Variants in MYO9A observed in about 807,000 individuals in gnomAD.
MYO9A encodes the protein unconventional myosin-IXa.
In MYO9A, 103 loss-of-function variants were observed where a neutral mutation model predicts 293.3. The ratio of observed to expected loss-of-function variants is 0.35; its 90% CI spans 0.30 to 0.41. MYO9A has a LOEUF of 0.41. Ranked by LOEUF, MYO9A falls within the 10% of genes least tolerant of loss-of-function variation. MYO9A has a pLI of 1.00. For synonymous variants in MYO9A, 1,001 were observed against 1,035.7 expected (o/e 0.97, Z 0.64); for missense variants, 2,685 against 3,033.0 (o/e 0.89, Z 2.69).
At chr15:71,989,494 GTTTGTATCAGTAGT>G (rs749636738) in intron 11 of MYO9A, among the ~76,000 whole-genome samples, 68 of 152,076 alleles carry the variant, frequency 4.5e-4, no homozygotes, top group Non-Finnish European at 7.4e-4. Context: ...GTATATGCAG[GTTTGTATCAGTAGT>G]TTTGTATCAG....
At chr15:72,091,573 ACTCT>A (rs760762486) in intron 1 of MYO9A, among the ~76,000 whole-genome samples, 3 of 151,686 alleles carry the variant, frequency 2.0e-5, no homozygotes, top group Non-Finnish European at 4.4e-5. Context: ...TACCTGAACT[ACTCT>A]CTCTCTCTGA....
chr15:71,984,637 A>T (rs1170358927), intron 11 of MYO9A, among the ~76,000 whole-genome samples: 2 of 152,112 alleles, frequency 1.3e-5, no homozygotes, highest in African/African-American at 4.8e-5. Flanking sequence ...ATCTTCATTC[A>T]TTAGGCTCAG....
intron 6 of MYO9A, among the ~76,000 whole-genome samples, chr15:72,018,503 C>A (rs1430018019): frequency 6.6e-6 from 1 of 151,854 alleles, no homozygotes; most frequent in Non-Finnish European, 1.5e-5. Flanking sequence ...ATAGGAATTT[C>A]AATACTTATT....
intron 1 of MYO9A, among the ~76,000 whole-genome samples, chr15:72,059,401 C>T (rs1031354044): frequency 1.2e-4 from 19 of 152,194 alleles, no homozygotes; most frequent in Non-Finnish European, 2.5e-4. Flanking sequence ...TAAATATAAT[C>T]GACTTTTGTT....
At chr15:72,055,290 T>C (rs180999266) in intron 1 of MYO9A, among the ~76,000 whole-genome samples, 3 of 152,136 alleles carry the variant, frequency 2.0e-5, no homozygotes, top group African/African-American at 7.2e-5. Flanking sequence ...GCAGGCCACA[T>C]GTAGAATGAA....
At chr15:71,833,202 G>T (rs898407830) in intron 39 of MYO9A, among the ~76,000 whole-genome samples, 1 of 151,040 alleles carries the variant, frequency 6.6e-6, no homozygotes, top group African/African-American at 2.4e-5. Context: ...TTTGAAGATT[G>T]TTGGGCCATA....
At chr15:71,871,446 G>A (rs2056510172) in intron 32 of MYO9A, among the ~76,000 whole-genome samples, 1 of 151,858 alleles carries the variant, frequency 6.6e-6, no homozygotes, top group African/African-American at 2.4e-5. Flanking sequence ...ACACCACCCA[G>A]TACTTTGGGA....
At chr15:71,870,811 A>G (rs1362691872) in intron 32 of MYO9A, among the ~76,000 whole-genome samples, 2 of 152,210 alleles carry the variant, frequency 1.3e-5, no homozygotes, top group Admixed American at 1.3e-4. Flanking sequence ...AGCAAATTCA[A>G]GTTTGTTTTT....
At chr15:71,852,373 T>G in intron 35 of MYO9A, 113 bp from the exon 36 acceptor site, 1 of 1,183,426 alleles carries the variant, frequency 8.5e-7, no homozygotes, top group Middle Eastern at 3.1e-4. Flanking sequence ...TTTTTTTTTT[T>G]TTTTTTTGAG....
Position 71,938,838 on chromosome 15 carries a change from C to A in MYO9A, c.2378+14G>T. ...TTCTATACGTCCTTGAAAACATAAACCAAACACACTTACTGTTGGTTTTTT... is the reference window on the plus strand; with the variant it reads ...TTCTATACGTCCTTGAAAACATAAAACAAACACACTTACTGTTGGTTTTTT... On this transcript the variant is annotated intron_variant, in intron 16 of 41. Coordinates refer to ENST00000356056, the MANE Select transcript of MYO9A (RefSeq NM_006901.4). 1 of 1,588,188 alleles carries A rather than the reference C, an allele frequency of 6.3e-7. No homozygotes were observed. The highest frequency in any genetic ancestry group is 8.6e-7 in the Non-Finnish European group (1 of 1,165,582).
intron 1 of MYO9A, among the ~76,000 whole-genome samples, chr15:72,064,367 C>A (rs1171256192): frequency 6.6e-6 from 1 of 152,074 alleles, no homozygotes; most frequent in Non-Finnish European, 1.5e-5. Context: ...GTGATGGATA[C>A]CCCATTTGCC....
rs573834150 is a variant in MYO9A, at chr15:71,997,161, A to T, written c.1471-2576T>A. Among the ~76,000 whole-genome samples, 15 of 152,300 alleles carry T rather than the reference A, an allele frequency of 9.8e-5. 1 individual carries two copies. The East Asian group carries it at 2.7e-3, about 27-fold the overall frequency. ...AGTGCTCCTTTTAAAACAAAAAAAC[A>T]AATTAAGATTTTTTTTTCTTAAAAC... On this transcript the variant is annotated intron_variant, in intron 9 of 41. Transcript: ENST00000356056.
chr15:72,052,370 C>T (rs2078592453), intron 1 of MYO9A, among the ~76,000 whole-genome samples: 1 of 152,184 alleles, frequency 6.6e-6, no homozygotes. Context: ...TTCTATCACT[C>T]GATAAAGCTC....
intron 1 of MYO9A, among the ~76,000 whole-genome samples, chr15:72,085,083 TG>T (rs1422137051): frequency 6.6e-6 from 1 of 152,180 alleles, no homozygotes; most frequent in African/African-American, 2.4e-5. Flanking sequence ...GTCCTCAGCT[TG>T]ACCTATTCTG....
chr15:72,035,152 TA>T (rs1411714510), intron 2 of MYO9A, among the ~76,000 whole-genome samples: 2 of 152,182 alleles, frequency 1.3e-5, no homozygotes, highest in African/African-American at 4.8e-5. Flanking sequence ...AGAACACTCA[TA>T]CAGTGCTGGT....
intron 15 of MYO9A, among the ~76,000 whole-genome samples, chr15:71,950,544 G>A (rs1394897922): frequency 6.6e-6 from 1 of 152,176 alleles, no homozygotes; most frequent in Non-Finnish European, 1.5e-5. Flanking sequence ...ACTGGAATGA[G>A]GATTTGTTAC....
rs376947878 is a variant in MYO9A at position 71,854,394 on chromosome 15, C to T, written c.6329G>A (p.Arg2110Gln). The T allele has an allele frequency of 8.2e-6, 13 of 1,592,410 alleles. No homozygotes were observed. Among genetic ancestry groups the T allele is most frequent in the African/African-American group, 4.1e-5 (3 of 73,932 alleles). ...TATCTTACCTGTATCTAGACCCTGC[C>T]GAAGCTCCTTGATTTTATTAGTCGA... ...SGSTNKIKEL[R>Q]QGLDTDAESV... The change falls in exon 35 of 42, where the codon CGG becomes CAG. Residue 2110 changes from arginine to glutamine, a missense_variant. Coordinates refer to ENST00000356056, the MANE Select transcript of MYO9A (RefSeq NM_006901.4).
chr15:71,904,665 AAAAC>A, intron 20 of MYO9A, among the ~76,000 whole-genome samples: 1 of 152,270 alleles, frequency 6.6e-6, no homozygotes, highest in Non-Finnish European at 1.5e-5. Context: ...AACAAAAACA[AAAAC>A]AAAAAAGAAA....
In MYO9A at chr15:71,854,383, C is replaced by G. The variant is rs781005199; in HGVS notation, c.6340G>C (p.Asp2114His). The change falls in exon 35 of 42, where the codon GAT becomes CAT. Residue 2114 changes from aspartate (D) to histidine (H), a missense_variant. Physicochemically the swap from Asp to His is moderately conservative, Grantham distance 81. Coordinates refer to ENST00000356056, the MANE Select transcript of MYO9A (RefSeq NM_006901.4). Reference sequence around the variant, plus strand: ...TTAGAGGGCACTATCTTACCTGTATCTAGACCCTGCCGAAGCTCCTTGATT... The same window carrying G: ...TTAGAGGGCACTATCTTACCTGTATGTAGACCCTGCCGAAGCTCCTTGATT... ...NKIKELRQGL[D>H]TDAESVNLDD... The G allele has an allele frequency of 6.3e-7, 1 of 1,587,672 alleles. No homozygotes were observed. Among genetic ancestry groups the G allele is most frequent in the Non-Finnish European group, 8.6e-7 (1 of 1,168,808 alleles).
Sources: gnomAD v4.1 joint callset for allele counts (sites outside exome capture counted in the v4.1 genomes callset) on GRCh38, gnomAD v4.1.1 for gene constraint, MANE v1.5 for transcripts, NCBI Gene and HGNC (gene_info 2026-07-23, HGNC 2026-07-21) for gene names.